CFAP68: variants seen among roughly 807,000 people sequenced by gnomAD.
CFAP68 encodes cilia and flagella associated protein 68.
chr11:111,882,920 A>G, the CFAP68 span, among the ~76,000 whole-genome samples: 4 of 152,200 alleles, frequency 2.6e-5, no homozygotes, highest in African/African-American at 9.7e-5. Flanking sequence ...GTCCTTGCCT[A>G]TCTAGACTTG....
chr11:111,882,376 C>T, the CFAP68 span: 1 of 1,613,498 alleles, frequency 6.2e-7, no homozygotes, highest in Non-Finnish European at 8.5e-7. Flanking sequence ...AGAGACAGAA[C>T]CTCGCCTGTT....
chr11:111,882,398 C>T, the CFAP68 span: 1 of 1,614,044 alleles, frequency 6.2e-7, no homozygotes, highest in African/African-American at 1.3e-5. Flanking sequence ...CCTCACAAAC[C>T]CACACTGTGG....
the CFAP68 span, chr11:111,881,522 C>T: frequency 6.5e-7 from 1 of 1,536,048 alleles, no homozygotes; most frequent in Non-Finnish European, 8.7e-7. Context: ...CTTTAAAGAA[C>T]ATGGAACAGC....
At chr11:111,881,674 G>A in the CFAP68 span, 5 of 1,466,108 alleles carry the variant, frequency 3.4e-6, no homozygotes, top group Non-Finnish European at 4.5e-6. Flanking sequence ...GAAAGATTGA[G>A]CTTTTATCTT....
chr11:111,879,683 G>T, the CFAP68 span: 1 of 1,484,868 alleles, frequency 6.7e-7, no homozygotes, highest in South Asian at 1.1e-5. Context: ...CTGTGAGGGT[G>T]GTTACGATAT....
chr11:111,881,438 T>C, the CFAP68 span: 2 of 1,535,118 alleles, frequency 1.3e-6, no homozygotes. Flanking sequence ...TCCCAAATCA[T>C]GGCCACTTGC....
the CFAP68 span, chr11:111,881,244 G>C: frequency 7.2e-7 from 1 of 1,382,780 alleles, no homozygotes. Context: ...TCTCCAGTAT[G>C]AGTACCAGGC....
chr11:111,883,676 C>T, the CFAP68 span: 2 of 830,640 alleles, frequency 2.4e-6, no homozygotes, highest in Non-Finnish European at 4.0e-6. Flanking sequence ...GACTTACTGT[C>T]TATTCCCTAG....
the CFAP68 span, chr11:111,881,290 C>G: frequency 2.8e-6 from 4 of 1,423,966 alleles, no homozygotes; most frequent in East Asian, 2.5e-5. Context: ...CTCTGGTCAT[C>G]ATGTTGTTTG....
At chr11:111,881,886 G>A in the CFAP68 span, among the ~76,000 whole-genome samples, 1 of 152,160 alleles carries the variant, frequency 6.6e-6, no homozygotes, top group African/African-American at 2.4e-5. Flanking sequence ...GAAAGATAAA[G>A]TTTTATGTGA....
At chr11:111,880,979 G>C in the CFAP68 span, 1 of 332,900 alleles carries the variant, frequency 3.0e-6, no homozygotes, top group Non-Finnish European at 6.0e-6. Context: ...GGTTTGGAGA[G>C]GAACAAGGCT....
the CFAP68 span, chr11:111,880,744 G>A: frequency 2.2e-6 from 1 of 456,032 alleles, no homozygotes; most frequent in Non-Finnish European, 4.4e-6. Flanking sequence ...ACTTCCTTAT[G>A]CTTTATAGAC....
chr11:111,881,105 A>G, the CFAP68 span: 2 of 854,668 alleles, frequency 2.3e-6, no homozygotes, highest in Non-Finnish European at 1.5e-6. Flanking sequence ...TCAAAAATCA[A>G]CAAGACTTAG....
the CFAP68 span, among the ~76,000 whole-genome samples, chr11:111,881,902 A>T: frequency 6.6e-6 from 1 of 152,210 alleles, no homozygotes; most frequent in African/African-American, 2.4e-5. Context: ...TGTGAGTTGA[A>T]AGAGAAGCTA....
the CFAP68 span, chr11:111,883,970 C>A: frequency 1.0e-6 from 1 of 984,312 alleles, no homozygotes; most frequent in Non-Finnish European, 1.5e-6. Context: ...CTTCACTTTT[C>A]CAGAGTGAAA....
chr11:111,879,573 C>T, the CFAP68 span: 1 of 1,614,174 alleles, frequency 6.2e-7, no homozygotes, highest in Non-Finnish European at 8.5e-7. Flanking sequence ...GGCTGCCTCC[C>T]AGTGTCTCTG....
At chr11:111,879,571 C>G in the CFAP68 span, 1 of 1,614,182 alleles carries the variant, frequency 6.2e-7, no homozygotes. Flanking sequence ...ATGGCTGCCT[C>G]CCAGTGTCTC....
the CFAP68 span, chr11:111,884,040 ACT>A: frequency 3.8e-6 from 2 of 533,122 alleles, no homozygotes; most frequent in East Asian, 3.1e-5. Flanking sequence ...ACACAGTTTC[ACT>A]CTCTGAATAA....
the CFAP68 span, chr11:111,884,715 A>C: frequency 6.6e-6 from 1 of 152,198 alleles, no homozygotes; most frequent in Non-Finnish European, 1.5e-5. Context: ...ATTTTACGTA[A>C]AACAAAAGTA....
Sources: allele counts gnomAD v4.1 joint callset (sites outside exome capture counted in the v4.1 genomes callset), GRCh38; gene constraint gnomAD v4.1.1; transcripts MANE v1.5; gene names NCBI Gene and HGNC (gene_info 2026-07-23, HGNC 2026-07-21).